The following PLD5 variants were observed in gnomAD, a reference collection of about 807,000 sequenced individuals.
The protein encoded by PLD5 is inactive phospholipase D5.
PLD5 carries 36 observed loss-of-function variants against 61.1 expected under a neutral mutation model. The ratio of observed to expected loss-of-function variants is 0.59; its 90% CI spans 0.45 to 0.78. The LOEUF (loss-of-function observed/expected upper bound fraction) is 0.78, where lower values mean the gene tolerates loss of function less well. Ranked by LOEUF, PLD5 falls within the 30% of genes least tolerant of loss-of-function variation. The pLI is 0.00. For synonymous variants in PLD5, 243 were observed against 242.8 expected (o/e 1.00, Z -0.01); for missense variants, 515 against 644.4 (o/e 0.80, Z 2.17).
intron 1 of PLD5, among the ~76,000 whole-genome samples, chr1:242,414,802 C>T (rs1346606966): frequency 6.6e-6 from 1 of 151,932 alleles, no homozygotes; most frequent in African/African-American, 2.4e-5. Flanking sequence ...GACTAAAAAG[C>T]TATTGTTGGC....
intron 4 of PLD5, among the ~76,000 whole-genome samples, chr1:242,238,053 C>A (rs1671754524): frequency 6.6e-6 from 1 of 152,086 alleles, no homozygotes; most frequent in South Asian, 2.1e-4. Flanking sequence ...ATAAGTAATT[C>A]TTTATATTAC....
chr1:242,101,336 C>T (rs1387516406), intron 8 of PLD5, among the ~76,000 whole-genome samples: 6 of 152,048 alleles, frequency 3.9e-5, no homozygotes, highest in Admixed American at 3.3e-4. Context: ...AACTTCAAAC[C>T]GTGAATTCTG....
intron 1 of PLD5, among the ~76,000 whole-genome samples, chr1:242,348,924 G>A (rs1297633407): frequency 6.6e-6 from 1 of 152,102 alleles, no homozygotes; most frequent in South Asian, 2.1e-4. Flanking sequence ...CGTGGTGGCA[G>A]GCGCCTGTAA....
chr1:242,478,662 G>C (rs1232119339), intron 1 of PLD5, among the ~76,000 whole-genome samples: 1 of 152,162 alleles, frequency 6.6e-6, no homozygotes, highest in Non-Finnish European at 1.5e-5. Flanking sequence ...ATTTGTTCAT[G>C]GGAAATTTAC....
At chr1:242,395,310 CTTGT>C (rs944966987) in intron 1 of PLD5, among the ~76,000 whole-genome samples, 4 of 152,062 alleles carry the variant, frequency 2.6e-5, no homozygotes, top group African/African-American at 4.8e-5. Context: ...CTACGAGGAA[CTTGT>C]TTGTTTTCTA....
chr1:242,166,446 C>CTATT (rs1666308493), intron 5 of PLD5, among the ~76,000 whole-genome samples: 4 of 151,986 alleles, frequency 2.6e-5, no homozygotes, highest in African/African-American at 9.7e-5. Context: ...ACACTTGCCT[C>CTATT]TATTTACCCA....
chr1:242,453,098 T>C (rs1487412917), intron 1 of PLD5, among the ~76,000 whole-genome samples: 1 of 152,148 alleles, frequency 6.6e-6, no homozygotes, highest in African/African-American at 2.4e-5. Context: ...CCCAGCTCGA[T>C]GGTGTTAGGA....
chr1:242,471,927 A>G (rs1667459360), intron 1 of PLD5, among the ~76,000 whole-genome samples: 1 of 152,212 alleles, frequency 6.6e-6, no homozygotes, highest in African/African-American at 2.4e-5. Context: ...TAAGTCAGTG[A>G]AGTGATAGAA....
At chr1:242,272,658 AAAG>A (rs1017667359) in intron 3 of PLD5, among the ~76,000 whole-genome samples, 8 of 152,178 alleles carry the variant, frequency 5.3e-5, no homozygotes, top group Admixed American at 5.2e-4. Flanking sequence ...TCCTTATACC[AAAG>A]AAGAAAAGTA....
intron 4 of PLD5, among the ~76,000 whole-genome samples, chr1:242,249,940 C>A (rs186379789): frequency 6.6e-6 from 1 of 152,254 alleles, no homozygotes; most frequent in Non-Finnish European, 1.5e-5. Flanking sequence ...TCAAAATGCT[C>A]GTACCATCAA....
At chr1:242,446,126 CA>C (rs1666524471) in intron 1 of PLD5, among the ~76,000 whole-genome samples, 1 of 152,024 alleles carries the variant, frequency 6.6e-6, no homozygotes, top group Admixed American at 6.6e-5. Flanking sequence ...CAAAATCACA[CA>C]ATGAGTGTAA....
chr1:242,176,297 C>T (rs757756605), intron 5 of PLD5, among the ~76,000 whole-genome samples: 25 of 152,166 alleles, frequency 1.6e-4, no homozygotes, highest in Admixed American at 2.6e-4. Context: ...CTACAACCAC[C>T]TGATCTTTGA....
chr1:242,473,640 G>C (rs960195739), intron 1 of PLD5, among the ~76,000 whole-genome samples: 1 of 152,166 alleles, frequency 6.6e-6, no homozygotes, highest in African/African-American at 2.4e-5. Context: ...ATCTTGCAGA[G>C]TGTATACACG....
Position 242,220,569 on chromosome 1 carries a change from T to G in PLD5, c.608-454A>C, listed in dbSNP as rs1670508372. On this transcript the variant is annotated intron_variant, in intron 4 of 9. Coordinates refer to ENST00000536534, the MANE Select transcript of PLD5 (RefSeq NM_001372062.1). ...TATCACAGCTCTCCTCAATAAGACGTTGGCCTCATTATGCTTTCTATACAT... is the reference window on the plus strand; with the variant it reads ...TATCACAGCTCTCCTCAATAAGACGGTGGCCTCATTATGCTTTCTATACAT... Among the ~76,000 whole-genome samples the G allele has an allele frequency of 3.3e-5, 5 of 152,264 alleles. No individual in the cohort carries two copies. The South Asian group carries it at 1.0e-3, about 32-fold the overall frequency.
chr1:242,304,962 T>C (rs1270828285), intron 2 of PLD5, among the ~76,000 whole-genome samples: 1 of 152,048 alleles, frequency 6.6e-6, no homozygotes, highest in African/African-American at 2.4e-5. Context: ...AAACATTAGC[T>C]GGGCATGGTG....
chr1:242,463,008 C>T (rs970452023), intron 1 of PLD5, among the ~76,000 whole-genome samples: 1 of 152,212 alleles, frequency 6.6e-6, no homozygotes, highest in Admixed American at 6.5e-5. Flanking sequence ...CAATACCCTT[C>T]TCCTCCACGC....
intron 5 of PLD5, among the ~76,000 whole-genome samples, chr1:242,141,525 C>G (rs1413195017): frequency 1.3e-5 from 2 of 152,188 alleles, no homozygotes; most frequent in Admixed American, 1.3e-4. Context: ...GGGGACTGGT[C>G]TTGACCTCCT....
At chr1:242,107,323 A>G (rs1260204377) in intron 8 of PLD5, among the ~76,000 whole-genome samples, 3 of 152,118 alleles carry the variant, frequency 2.0e-5, no homozygotes, top group Non-Finnish European at 4.4e-5. Context: ...AAAAAATGCA[A>G]AATTAGCTGA....
chr1:242,194,604 ATGTAT>A (rs2148938608), intron 5 of PLD5, among the ~76,000 whole-genome samples: 1 of 72,832 alleles, frequency 1.4e-5, no homozygotes, highest in East Asian at 8.5e-4. Flanking sequence ...CTATCTATCT[ATGTAT>A]CTATCTATGT....
Sources: allele counts gnomAD v4.1 joint callset (sites outside exome capture counted in the v4.1 genomes callset), GRCh38; gene constraint gnomAD v4.1.1; transcripts MANE v1.5; gene names NCBI Gene and HGNC (gene_info 2026-07-23, HGNC 2026-07-21).